MTMR2: variants seen among roughly 807,000 people sequenced by gnomAD.
MTMR2 encodes the protein phosphatidylinositol-3,5-bisphosphate 3-phosphatase MTMR2.
MTMR2 carries 55 observed loss-of-function variants against 86.9 expected under a neutral mutation model. The observed-to-expected ratio is 0.63, with a 90% CI of 0.51 to 0.79. The LOEUF is 0.79. Ranked by LOEUF, MTMR2 falls within the 30% of genes least tolerant of loss-of-function variation. MTMR2 has a pLI of 0.00. For synonymous variants in MTMR2, 241 were observed against 266.8 expected, an observed-to-expected ratio of 0.90 and a Z score of 0.94; for missense variants, 659 against 772.3, an observed-to-expected ratio of 0.85 and a Z score of 1.74.
At chr11:95,917,350 C>T (rs1866747422) in intron 1 of MTMR2, among the ~76,000 whole-genome samples, 1 of 152,158 alleles carries the variant, frequency 6.6e-6, no homozygotes. Flanking sequence ...ATAGCATTAA[C>T]TTGGCAGCTT....
At chr11:95,875,266 C>T (rs1385790813) in intron 2 of MTMR2, among the ~76,000 whole-genome samples, 3 of 145,208 alleles carry the variant, frequency 2.1e-5, no homozygotes, top group Non-Finnish European at 4.7e-5. Flanking sequence ...TTCACATAGT[C>T]CCATATTTCT....
At chr11:95,891,558 T>C (rs1030489914) in intron 1 of MTMR2, among the ~76,000 whole-genome samples, 8 of 152,194 alleles carry the variant, frequency 5.3e-5, no homozygotes, top group Admixed American at 2.0e-4. Context: ...CTGCAACTTA[T>C]ACTTTGCAGT....
At chr11:95,845,882 T>TA (rs201863810) in intron 10 of MTMR2, among the ~76,000 whole-genome samples, 14,679 of 89,954 alleles carry the variant, frequency 0.16, 2,557 homozygotes, top group African/African-American at 0.47. Flanking sequence ...TATGGTATCT[T>TA]AAAAAAAAAA....
intron 1 of MTMR2, chr11:95,907,961 T>C: frequency 2.6e-6 from 1 of 383,850 alleles, no homozygotes; most frequent in Non-Finnish European, 5.1e-6. Context: ...CCCACTGTCA[T>C]CACTCATATT....
At chr11:95,845,612 A>C (rs1430328305) in intron 10 of MTMR2, among the ~76,000 whole-genome samples, 1 of 152,126 alleles carries the variant, frequency 6.6e-6, no homozygotes, top group Non-Finnish European at 1.5e-5. Context: ...AATACTCTAT[A>C]GCAGTTATTG....
chr11:95,847,834 G>C lies in MTMR2; in HGVS notation c.1059C>G (p.Ile353Met). The C allele has an allele frequency of 6.2e-7, 1 of 1,613,618 alleles. No homozygotes were observed. The highest frequency in any genetic ancestry group is 8.5e-7 in the Non-Finnish European group (1 of 1,179,670). ...YQNAELVFLD[I>M]HNIHVMRESL... ...ATTCTCTCATAACATGAATATTGTG[G>C]ATATCCAGGAAAACTAGTTCAGCAT... Residue 353 changes from isoleucine (I) to methionine (M), a missense_variant, in exon 10 of 15, where the codon ATC becomes ATG. Ile to Met is a conservative substitution (Grantham distance 10). Around this residue, in one of 3 missense-constraint regions of MTMR2, gnomAD observed 387 missense variants for 526.3 expected, o/e 0.74. Coordinates refer to ENST00000346299, the MANE Select transcript of MTMR2 (RefSeq NM_016156.6).
chr11:95,843,283 T>G (rs1023741455), intron 11 of MTMR2, among the ~76,000 whole-genome samples: 2 of 152,220 alleles, frequency 1.3e-5, no homozygotes, highest in Non-Finnish European at 2.9e-5. Context: ...TTTTATGGTA[T>G]TATATGATGA....
At chr11:95,857,872 C>A (rs555149728) in intron 6 of MTMR2, among the ~76,000 whole-genome samples, 1 of 152,192 alleles carries the variant, frequency 6.6e-6, no homozygotes. Context: ...CAAATACCAA[C>A]ATATCATTGT....
chr11:95,863,267 G>A (rs966752302), intron 3 of MTMR2, among the ~76,000 whole-genome samples: 10 of 152,078 alleles, frequency 6.6e-5, no homozygotes, highest in African/African-American at 2.4e-4. Flanking sequence ...CCCTTTCAAC[G>A]GGCTTCTGGG....
chr11:95,840,064 G>A (rs1360022408), intron 12 of MTMR2: 3 of 152,136 alleles, frequency 2.0e-5, no homozygotes, highest in Non-Finnish European at 2.9e-5. Context: ...AACAAGGCCC[G>A]ACCCTGCTTA....
intron 1 of MTMR2, among the ~76,000 whole-genome samples, chr11:95,917,462 T>C (rs1408136642): frequency 6.6e-6 from 1 of 152,156 alleles, no homozygotes; most frequent in African/African-American, 2.4e-5. Context: ...CCTCCTGGAA[T>C]TACTTGTTCA....
intron 1 of MTMR2, among the ~76,000 whole-genome samples, chr11:95,917,411 T>A (rs1371484843): frequency 2.0e-5 from 3 of 152,196 alleles, no homozygotes; most frequent in Non-Finnish European, 4.4e-5. Flanking sequence ...GTTATCTCCT[T>A]CCCCTGGGCA....
intron 2 of MTMR2, among the ~76,000 whole-genome samples, chr11:95,883,636 C>G (rs1188185439): frequency 6.6e-6 from 1 of 152,064 alleles, no homozygotes; most frequent in Admixed American, 6.6e-5. Context: ...CCATAACAAA[C>G]AAGGATAACA....
chr11:95,888,496 C>CTCCA lies in MTMR2; in HGVS notation c.81-239_81-236dup, dbSNP rs1371692319. ...TAGACTCCCAATACTCATGAAGACACTCCAGGCTAATTCCTTCTTTTTATC... is the reference window on the plus strand; with the variant it reads ...TAGACTCCCAATACTCATGAAGACACTCCATCCAGGCTAATTCCTTCTTTTTATC... On this transcript the variant is annotated intron_variant, in intron 1 of 14. Transcript: ENST00000346299. Among the ~76,000 whole-genome samples, 7 of 152,318 alleles carry CTCCA rather than the reference C, an allele frequency of 4.6e-5. No homozygotes were observed. The East Asian group carries it at 1.3e-3, about 29-fold the overall frequency.
At chr11:95,838,036 T>C in intron 13 of MTMR2, 58 bp downstream of exon 13, 1 of 1,100,106 alleles carries the variant, frequency 9.1e-7, no homozygotes, top group Admixed American at 1.7e-5. Flanking sequence ...GAGTACATTC[T>C]TTTAGGGAAA....
chr11:95,853,498 G>A (rs897914860), intron 7 of MTMR2, among the ~76,000 whole-genome samples: 3 of 152,008 alleles, frequency 2.0e-5, no homozygotes, highest in African/African-American at 7.3e-5. Context: ...AAAATATGAA[G>A]TCCTTTACCA....
rs1591016495 is a variant in MTMR2 at position 95,879,582 on chromosome 11, A to G, written c.186+8574T>C. 3.3e-5 allele frequency among the ~76,000 whole-genome samples: 5 copies of G among 152,266 alleles called. No individual in the cohort carries two copies. In the South Asian group the frequency reaches 1.0e-3, roughly 32 times the overall value. On this transcript the variant is annotated intron_variant, in intron 2 of 14. Transcript: ENST00000346299. The stretch of plus-strand genomic sequence containing the variant: ...CTTTCCATTTGACCTGCTCTTGACT[A>G]GTATCACCTGTTTATGTACCCACAG...
At chr11:95,887,597 T>C (rs547267123) in intron 2 of MTMR2, 2 of 152,590 alleles carry the variant, frequency 1.3e-5, no homozygotes, top group East Asian at 3.8e-4. Context: ...CTTTAATAAA[T>C]AGAGGAATAC....
chr11:95,862,820 CAT>C (rs1225087216), intron 3 of MTMR2, among the ~76,000 whole-genome samples: 12 of 152,174 alleles, frequency 7.9e-5, no homozygotes, highest in Non-Finnish European at 1.8e-4. Context: ...ATGTCCAAAA[CAT>C]ATGTTATTCC....
Sources: gnomAD v4.1 joint callset for allele counts (sites outside exome capture counted in the v4.1 genomes callset) on GRCh38, gnomAD v4.1.1 for gene constraint, gnomAD v4.1.1 regional missense constraint, MANE v1.5 for transcripts, NCBI Gene and HGNC (gene_info 2026-07-23, HGNC 2026-07-21) for gene names.